The following OPA3 variants were observed in gnomAD, a reference collection of about 807,000 sequenced individuals.
OPA3 encodes optic atrophy 3 protein.
In OPA3, 6 loss-of-function variants were observed where a neutral mutation model predicts 4.0. The observed-to-expected ratio is 1.51, with a 90% CI of 0.83 to 2.99. OPA3 has a LOEUF of 2.99. Among genes scored for constraint, OPA3 ranks in the 30% most tolerant of loss-of-function variants. The probability of loss-of-function intolerance (pLI) is 0.00; values close to 1 mark genes in which losing one functional copy is unlikely to be tolerated. For synonymous variants in OPA3, 105 were observed against 117.1 expected (o/e 0.90, Z 0.67); for missense variants, 235 against 256.2 (o/e 0.92, Z 0.56).
rs370655387 is a variant in OPA3 at position 45,581,326 on chromosome 19, C to T, written c.142+3297G>A. ...TACAGAGGGGGAAAAAAAGTGCACT[C>T]CCTTAATCATGTGGGCTTTGTGTGT... On this transcript the variant is annotated intron_variant, in intron 1 of 1. Transcript: ENST00000263275. 2.1e-4 allele frequency among the ~76,000 whole-genome samples: 32 copies of T among 152,296 alleles called. No homozygotes were observed. In the South Asian group the frequency reaches 6.6e-3, roughly 32 times the overall value.
intron 1 of OPA3, among the ~76,000 whole-genome samples, chr19:45,536,247 A>G (rs1478145329): frequency 7.0e-6 from 1 of 143,296 alleles, no homozygotes; most frequent in South Asian, 2.2e-4. Context: ...AAAAAAAATT[A>G]AAAAAAAAAA....
In OPA3 at chr19:45,551,413, T is replaced by A. The variant is rs139606810; in HGVS notation, c.*2101A>T. 552 of 152,238 alleles carry A rather than the reference T, an allele frequency of 3.6e-3. 4 individuals are homozygous for A. Among genetic ancestry groups the A allele is most frequent in the Middle Eastern group, 0.01 (3 of 294 alleles). The allele number at this position is 152,238 out of a possible 1,614,324, so 9.4% of individuals were successfully genotyped here. A position where few individuals can be genotyped will look rare whatever the true frequency, so the allele number is the denominator to read the frequency against. ...GTGTTTTTTCAGATGTAATTAAGGGTCTTGAGGTGGGATCATCCTGAACTT... is the reference window on the plus strand; with the variant it reads ...GTGTTTTTTCAGATGTAATTAAGGGACTTGAGGTGGGATCATCCTGAACTT... On this transcript the variant is annotated 3_prime_UTR_variant, in exon 2 of 2. Coordinates refer to ENST00000263275, the MANE Select transcript of OPA3 (RefSeq NM_025136.4).
At chr19:45,583,432 G>A (rs1969885461) in intron 1 of OPA3, among the ~76,000 whole-genome samples, 1 of 151,852 alleles carries the variant, frequency 6.6e-6, no homozygotes, top group Admixed American at 6.6e-5. Context: ...GATTACAGGC[G>A]TGAGCCACCG....
intron 1 of OPA3, among the ~76,000 whole-genome samples, chr19:45,572,409 GAT>G (rs1231024385): frequency 1.7e-5 from 2 of 115,886 alleles, no homozygotes; most frequent in African/African-American, 6.8e-5. Context: ...TGAGATTATC[GAT>G]ATATATCGAT....
chr19:45,529,665 G>A (rs561939449), intron 1 of OPA3, among the ~76,000 whole-genome samples: 1 of 152,356 alleles, frequency 6.6e-6, no homozygotes, highest in East Asian at 1.9e-4. Context: ...ACTTACTCAT[G>A]TGAAGGTGGA....
intron 1 of OPA3, among the ~76,000 whole-genome samples, chr19:45,566,563 T>G (rs1249756776): frequency 6.6e-6 from 1 of 151,030 alleles, no homozygotes. Context: ...CTCTGCCTCC[T>G]AGGTTCGAGT....
At position 45,553,514 on chromosome 19, in the gene OPA3, C is replaced by G. The variant is rs774281852; in HGVS notation, c.540G>C (p.Ter180TyrextTer97). The change falls in exon 2 of 2, where the codon TAG (stop) becomes TAC (tyrosine). Residue 180 changes from the stop codon to tyrosine (Y), a stop_lost. Transcript: ENST00000263275. ...ASHAVPASKK[*>Y] Reference sequence around the variant, plus strand: ...AATTCAGGTTCCATCCAGCAAGCTCCTATTTCTTGGACGCAGGCACTGCGT... The same window carrying G: ...AATTCAGGTTCCATCCAGCAAGCTCGTATTTCTTGGACGCAGGCACTGCGT... The G allele has an allele frequency of 2.5e-6, 4 of 1,612,986 alleles. No homozygotes were observed. The highest frequency in any genetic ancestry group is 1.7e-5 in the Admixed American group (1 of 60,012).
At chr19:45,529,273 C>A (rs1347540966) in exon 2 of OPA3, 1 of 1,613,978 alleles carries the variant, frequency 6.2e-7, no homozygotes, top group Non-Finnish European at 8.5e-7. Context: ...TTCCTTGCGG[C>A]GCTGCTGCAA....
chr19:45,556,079 A>G (rs572350412), intron 1 of OPA3, among the ~76,000 whole-genome samples: 1 of 152,300 alleles, frequency 6.6e-6, no homozygotes, highest in Admixed American at 6.5e-5. Flanking sequence ...ATCCTTCACA[A>G]CTACTTAAGG....
intron 1 of OPA3, among the ~76,000 whole-genome samples, chr19:45,531,301 G>T (rs529890833): frequency 1.3e-5 from 2 of 151,976 alleles, no homozygotes; most frequent in Admixed American, 6.6e-5. Context: ...GCTTCGTATC[G>T]TGCCACATTT....
chr19:45,584,312 AG>A (rs1969899492), intron 1 of OPA3: 1 of 983,570 alleles, frequency 1.0e-6, no homozygotes, highest in Non-Finnish European at 1.2e-6. Context: ...TATCCTGGAA[AG>A]CCCCGTCCAA....
At chr19:45,527,775 T>A (rs909761793) in exon 2 of OPA3, 1 of 152,226 alleles carries the variant, frequency 6.6e-6, no homozygotes, top group African/African-American at 2.4e-5. Flanking sequence ...TCTTAAGATC[T>A]TTACCCCAGA....
chr19:45,577,397 T>C lies in OPA3; in HGVS notation c.142+7226A>G, dbSNP rs533197304. Among the ~76,000 whole-genome samples, 31 of 152,328 alleles carry C rather than the reference T, an allele frequency of 2.0e-4. 1 individual carries two copies. Among genetic ancestry groups the C allele is most frequent in the African/African-American group, 7.0e-4 (29 of 41,586 alleles). On this transcript the variant is annotated intron_variant, in intron 1 of 1. Coordinates refer to ENST00000263275, the MANE Select transcript of OPA3 (RefSeq NM_025136.4). ...GCACCCTGGGAAATTCCAATCACCA[T>C]GGCTGGGGGCCACAGCAAAGGGCAA...
downstream of OPA3, among the ~76,000 whole-genome samples, chr19:45,542,965 C>T (rs1358270246): frequency 6.6e-6 from 1 of 151,958 alleles, no homozygotes; most frequent in Non-Finnish European, 1.5e-5. Context: ...GCTATCATGC[C>T]CAGCGCGTGA....
intron 1 of OPA3, among the ~76,000 whole-genome samples, chr19:45,531,226 G>A (rs1969058237): frequency 1.3e-5 from 2 of 152,052 alleles, no homozygotes; most frequent in Non-Finnish European, 2.9e-5. Flanking sequence ...TAATGAAGAT[G>A]TATTTTTATT....
chr19:45,581,901 C>T (rs1432507070), intron 1 of OPA3, among the ~76,000 whole-genome samples: 1 of 152,142 alleles, frequency 6.6e-6, no homozygotes, highest in Admixed American at 6.6e-5. Flanking sequence ...TAGGTTCAAG[C>T]AATTCTCCTG....
At chr19:45,569,696 C>T (rs1781693418) in intron 1 of OPA3, among the ~76,000 whole-genome samples, 2 of 151,998 alleles carry the variant, frequency 1.3e-5, no homozygotes, top group South Asian at 4.1e-4. Context: ...CTCCTTGAAG[C>T]GTTACCCTCA....
intron 1 of OPA3, among the ~76,000 whole-genome samples, chr19:45,570,082 C>G (rs576548656): frequency 6.6e-6 from 1 of 152,328 alleles, no homozygotes; most frequent in East Asian, 1.9e-4. Context: ...CAGGCTGACA[C>G]GGGCGCCCTC....
chr19:45,559,621 T>A (rs1969475503), intron 1 of OPA3, among the ~76,000 whole-genome samples: 1 of 151,984 alleles, frequency 6.6e-6, no homozygotes, highest in Admixed American at 6.6e-5. Context: ...CAGGCTGGTC[T>A]CGAACTCCTG....
Sources: gnomAD v4.1 joint callset for allele counts (sites outside exome capture counted in the v4.1 genomes callset) on GRCh38, gnomAD v4.1.1 for gene constraint, MANE v1.5 for transcripts, NCBI Gene and HGNC (gene_info 2026-07-23, HGNC 2026-07-21) for gene names.